NRXN3: variants seen among roughly 807,000 people sequenced by gnomAD.
The protein encoded by NRXN3 is neurexin III.
Under a neutral mutation model 137.6 loss-of-function variants are expected in NRXN3, and 32 were observed. The observed-to-expected ratio is 0.23, with a 90% CI of 0.18 to 0.31. The LOEUF (loss-of-function observed/expected upper bound fraction) is 0.31, where lower values mean the gene tolerates loss of function less well. NRXN3 is among the 10% of genes least tolerant of loss of function. The probability of loss-of-function intolerance (pLI) is 1.00; values close to 1 mark genes in which losing one functional copy is unlikely to be tolerated. For synonymous variants in NRXN3, 798 were observed against 784.5 expected, an observed-to-expected ratio of 1.02 and a Z score of -0.29; for missense variants, 1,574 against 2,062.5, an observed-to-expected ratio of 0.76 and a Z score of 4.59.
Position 79,719,251 on chromosome 14 carries a change from ATGTGTG to A in NRXN3, c.4014+21334_4014+21339del, listed in dbSNP as rs4016617. On this transcript the variant is annotated intron_variant, in intron 19 of 20. Transcript: ENST00000335750. Reference sequence around the variant, plus strand: ...TATCATCCCGTCATCATAGACATATATGTGTGTGTGTGTGTGTGTGTGTGTACATAT... The same window carrying A: ...TATCATCCCGTCATCATAGACATATATGTGTGTGTGTGTGTGTGTACATAT... Among the ~76,000 whole-genome samples, 804 of 149,040 alleles carry A rather than the reference ATGTGTG, an allele frequency of 5.4e-3. 4 individuals are homozygous for A. Among genetic ancestry groups the A allele is most frequent in the African/African-American group, 0.014 (573 of 40,232 alleles).
intron 10 of NRXN3, among the ~76,000 whole-genome samples, chr14:78,923,800 C>G (rs764339941): frequency 3.9e-5 from 6 of 152,170 alleles, no homozygotes; most frequent in Non-Finnish European, 7.3e-5. Flanking sequence ...GAAGAAGGTA[C>G]TGTTAGAGTA....
chr14:79,802,484 G>A (rs2099185826), intron 19 of NRXN3, among the ~76,000 whole-genome samples: 1 of 152,024 alleles, frequency 6.6e-6, no homozygotes, highest in South Asian at 2.1e-4. Flanking sequence ...ATGTAACTGT[G>A]GCCTTTTGGA....
chr14:79,599,594 A>G (rs10162315), intron 16 of NRXN3, among the ~76,000 whole-genome samples: 13,853 of 152,290 alleles, frequency 0.091, 1,326 homozygotes, highest in African/African-American at 0.24. Flanking sequence ...ATCTATTTCA[A>G]CAATAACAAT....
intron 15 of NRXN3, among the ~76,000 whole-genome samples, chr14:79,416,955 A>G (rs2196446): frequency 0.32 from 47,964 of 152,084 alleles, 8,239 homozygotes; most frequent in Middle Eastern, 0.53. Flanking sequence ...TTTGGACACC[A>G]AAGAATATTT....
chr14:78,696,796 CTT>C (rs2098230616), intron 6 of NRXN3, among the ~76,000 whole-genome samples: 1 of 152,048 alleles, frequency 6.6e-6, no homozygotes, highest in African/African-American at 2.4e-5. Flanking sequence ...ATTAAATAGT[CTT>C]TACATGTGAA....
chr14:79,365,473 A>G (rs2093844572), intron 15 of NRXN3, among the ~76,000 whole-genome samples: 1 of 147,712 alleles, frequency 6.8e-6, no homozygotes, highest in East Asian at 2.0e-4. Context: ...TAATCCCAGC[A>G]CTTTGGGAGG....
intron 15 of NRXN3, among the ~76,000 whole-genome samples, chr14:79,273,363 G>A (rs558503412): frequency 4.0e-5 from 6 of 151,670 alleles, no homozygotes; most frequent in Non-Finnish European, 5.9e-5. Context: ...GGCCGGGCAC[G>A]GTGGCTCACG....
chr14:79,625,749 C>A (rs1457533240), intron 16 of NRXN3, among the ~76,000 whole-genome samples: 1 of 152,110 alleles, frequency 6.6e-6, no homozygotes, highest in African/African-American at 2.4e-5. Context: ...CCTTTATTCC[C>A]AGTTGTCCTG....
chr14:78,809,551 C>T lies in NRXN3; in HGVS notation c.2249-767C>T, dbSNP rs186917499. Among the ~76,000 whole-genome samples the T allele has an allele frequency of 6.5e-4, 99 of 152,262 alleles. 1 individual carries two copies. The South Asian group carries it at 9.5e-3, about 15-fold the overall frequency. On this transcript the variant is annotated intron_variant, in intron 9 of 20. Transcript: ENST00000335750. Reference sequence around the variant, plus strand: ...CATACAACTCCTTTGACCCTACACCCGACCCCACCTCTCTAAAATCTGGGA... The same window carrying T: ...CATACAACTCCTTTGACCCTACACCTGACCCCACCTCTCTAAAATCTGGGA...
At chr14:79,637,747 T>TTTTTTTTTTTTTTTTTTA in intron 16 of NRXN3, among the ~76,000 whole-genome samples, 1 of 146,866 alleles carries the variant, frequency 6.8e-6, no homozygotes, top group Non-Finnish European at 1.5e-5. Context: ...TTTTTTTTTT[T>TTTTTTTTTTTTTTTTTTA]GAGATGGAGT....
At chr14:78,806,522 AG>A (rs2098870984) in intron 9 of NRXN3, among the ~76,000 whole-genome samples, 1 of 152,192 alleles carries the variant, frequency 6.6e-6, no homozygotes, top group South Asian at 2.1e-4. Flanking sequence ...TCTTTTTTCT[AG>A]CCCATGCACT....
chr14:78,353,520 GT>G (rs1173718023), intron 4 of NRXN3, among the ~76,000 whole-genome samples: 2 of 152,102 alleles, frequency 1.3e-5, no homozygotes, highest in African/African-American at 4.8e-5. Context: ...TATTACTCTC[GT>G]GATCTAACTA....
At chr14:79,542,985 AG>A (rs1185405600) in intron 16 of NRXN3, among the ~76,000 whole-genome samples, 1 of 152,112 alleles carries the variant, frequency 6.6e-6, no homozygotes, top group African/African-American at 2.4e-5. Context: ...CAAGGAGAAA[AG>A]GGCTCTGTAA....
At chr14:79,728,565 T>C (rs968979192) in intron 19 of NRXN3, among the ~76,000 whole-genome samples, 5 of 152,224 alleles carry the variant, frequency 3.3e-5, no homozygotes, top group Admixed American at 6.5e-5. Context: ...AAGAAGAGAC[T>C]TTTTCATCTT....
chr14:78,976,948 T>C (rs1448952575), intron 14 of NRXN3, among the ~76,000 whole-genome samples: 1 of 152,216 alleles, frequency 6.6e-6, no homozygotes, highest in South Asian at 2.1e-4. Context: ...TGTATCTCCA[T>C]TGTGACTACA....
At chr14:79,506,330 C>T (rs149306463) in intron 16 of NRXN3, among the ~76,000 whole-genome samples, 1,566 of 152,278 alleles carry the variant, frequency 0.01, 28 homozygotes, top group African/African-American at 0.036. Context: ...TAGCTCTTTA[C>T]ACAAAACTAC....
rs574819393 is a variant in NRXN3 at position 79,063,578 on chromosome 14, CCTT to C, written c.3262+75444_3262+75446del. ...TATTTTACCTTTTATATTAACAAAA[CCTT>C]CTTCTTGCAGTTCAGAACCCATAGG... is the stretch of plus-strand genomic sequence containing the variant. On this transcript the variant is annotated intron_variant, in intron 15 of 20. Coordinates refer to ENST00000335750, the MANE Select transcript of NRXN3 (RefSeq NM_001330195.2). Among the ~76,000 whole-genome samples the C allele has an allele frequency of 9.2e-5, 14 of 152,272 alleles. No individual in the cohort carries two copies. In the East Asian group the frequency reaches 2.1e-3, roughly 23 times the overall value.
At chr14:79,098,714 G>A (rs1036189247) in intron 15 of NRXN3, among the ~76,000 whole-genome samples, 2 of 152,176 alleles carry the variant, frequency 1.3e-5, no homozygotes, top group Admixed American at 1.3e-4. Context: ...AATGGTGCCT[G>A]CAAGAGGAAA....
intron 20 of NRXN3, among the ~76,000 whole-genome samples, chr14:79,839,471 T>C (rs2099351241): frequency 6.6e-6 from 1 of 152,140 alleles, no homozygotes; most frequent in Non-Finnish European, 1.5e-5. Context: ...TCAGAGATCA[T>C]TTGTTCAGTT....
Sources: gnomAD v4.1 joint callset for allele counts (sites outside exome capture counted in the v4.1 genomes callset) on GRCh38, gnomAD v4.1.1 for gene constraint, MANE v1.5 for transcripts, NCBI Gene and HGNC (gene_info 2026-07-23, HGNC 2026-07-21) for gene names.